Variants in TGIF1 observed in about 807,000 individuals in gnomAD.
TGIF1 encodes the protein homeobox protein TGIF1.
Under a neutral mutation model 19.3 loss-of-function variants are expected in TGIF1, and 4 were observed. The observed-to-expected ratio is 0.21, with a 90% confidence interval of 0.10 to 0.47. TGIF1 has a LOEUF of 0.47. TGIF1 is among the 20% of genes least tolerant of loss of function. The pLI is 0.98. For synonymous variants in TGIF1, 122 were observed against 129.3 expected, an observed-to-expected ratio of 0.94 and a Z score of 0.38; for missense variants, 275 against 341.4, an observed-to-expected ratio of 0.81 and a Z score of 1.53.
intron 1 of TGIF1, chr18:3,455,672 G>C (rs1259826796): frequency 6.6e-6 from 1 of 152,560 alleles, no homozygotes; most frequent in Non-Finnish European, 1.5e-5. Context: ...TTTAATAAAA[G>C]GTGACTAGTA....
intron 2 of TGIF1, among the ~76,000 whole-genome samples, chr18:3,435,472 A>C (rs1390676556): frequency 1.3e-5 from 2 of 152,186 alleles, no homozygotes; most frequent in African/African-American, 4.8e-5. Context: ...TGCTAGGATT[A>C]CAGGTGTGAG....
At chr18:3,441,905 G>A (rs939401164) in intron 2 of TGIF1, among the ~76,000 whole-genome samples, 1 of 152,036 alleles carries the variant, frequency 6.6e-6, no homozygotes, top group African/African-American at 2.4e-5. Context: ...TTTAATATTT[G>A]GAAGGCTTCC....
intron 2 of TGIF1, among the ~76,000 whole-genome samples, chr18:3,422,887 C>G (rs1167434083): frequency 6.6e-6 from 1 of 151,952 alleles, no homozygotes; most frequent in East Asian, 1.9e-4. Context: ...GACGGGGTTT[C>G]ACCGTGTTAT....
upstream of TGIF1, chr18:3,449,288 G>A (rs238134): frequency 8.9e-6 from 5 of 562,500 alleles, no homozygotes; most frequent in Non-Finnish European, 1.1e-5. Context: ...AGACGAGCAG[G>A]CACGGCGTGG....
intron 1 of TGIF1, among the ~76,000 whole-genome samples, chr18:3,416,685 C>CT (rs2082335741): frequency 6.6e-6 from 1 of 152,076 alleles, no homozygotes; most frequent in Non-Finnish European, 1.5e-5. Flanking sequence ...AATCCCAGCA[C>CT]TTTGGGAGGC....
chr18:3,453,125 A>T (rs2083038145), intron 1 of TGIF1, among the ~76,000 whole-genome samples: 1 of 150,868 alleles, frequency 6.6e-6, no homozygotes. Context: ...GTTCCTGGAG[A>T]CCGGGTCTGG....
chr18:3,453,895 G>A (rs1268336336), intron 1 of TGIF1: 4 of 963,638 alleles, frequency 4.2e-6, no homozygotes, highest in Non-Finnish European at 4.9e-6. Context: ...GTCTTAACCG[G>A]GAAACTTTTC....
intron 2 of TGIF1, among the ~76,000 whole-genome samples, chr18:3,433,039 G>A (rs1020489765): frequency 6.6e-6 from 1 of 151,666 alleles, no homozygotes; most frequent in African/African-American, 2.4e-5. Flanking sequence ...GATTACTGGC[G>A]TGAGCCACTG....
intron 2 of TGIF1, among the ~76,000 whole-genome samples, chr18:3,439,852 C>A (rs2076389238): frequency 6.6e-6 from 1 of 151,606 alleles, no homozygotes; most frequent in African/African-American, 2.4e-5. Flanking sequence ...GAAACCCGGT[C>A]TCTAAAAAAA....
upstream of TGIF1, chr18:3,447,903 C>G (rs2082773009): frequency 1.3e-6 from 2 of 1,519,212 alleles, no homozygotes; most frequent in Non-Finnish European, 1.8e-6. Context: ...AGCTATAAAC[C>G]CTTTCCAATT....
Position 3,457,062 on chromosome 18 carries a change from C to T in TGIF1, c.244-303C>T. 1 of 557,104 alleles carries T rather than the reference C, an allele frequency of 1.8e-6. No individual in the cohort carries two copies. Among genetic ancestry groups the T allele is most frequent in the South Asian group, 2.2e-5 (1 of 45,614 alleles). 34.5% of individuals were successfully genotyped at this position (557,104 alleles called of 1,614,324 possible). ...AAATGGGGAGAGTTAAAAAGTAAAC[C>T]TCTCTCTCAAATCATTTTTAAGCAT... On this transcript the variant is annotated intron_variant, in intron 2 of 2. Transcript: ENST00000343820. This position sits in a 1 kb window ranked among gnomAD's most constrained non-coding sequence, Gnocchi z 4.9.
chr18:3,455,303 A>G (rs1233630384), intron 1 of TGIF1: 1 of 152,174 alleles, frequency 6.6e-6, no homozygotes, highest in East Asian at 1.9e-4. Context: ...TAAGTTCAGA[A>G]TGATGTTTAA....
Position 3,451,850 on chromosome 18 carries a change from C to A in TGIF1, c.16+1345C>A. On this transcript the variant is annotated intron_variant, in intron 1 of 2. Transcript: ENST00000343820. The surrounding 1 kb of genome is among the most constrained non-coding windows in gnomAD (Gnocchi z 5.4). ...ACAGGGAATTGGCCCTGGGAGAAAA[C>A]GCGCGGGGGGCGTCCGAGACGCCCC... 1 of 1,395,062 alleles carries A rather than the reference C, an allele frequency of 7.2e-7. No homozygotes were observed. The highest frequency in any genetic ancestry group is 1.9e-5 in the South Asian group (1 of 53,986). 86.4% of individuals were successfully genotyped at this position (1,395,062 alleles called of 1,614,324 possible). A position where few individuals can be genotyped will look rare whatever the true frequency, so the allele number is the denominator to read the frequency against.
In TGIF1 at chr18:3,456,723, A is replaced by T; in HGVS notation, c.243+143A>T. ...TTTATTGTAAACTTGATAGTGTTAA[A>T]AGCTAATAACTAGCTATTTAGAGAA... On this transcript the variant is annotated intron_variant, in intron 2 of 2. Transcript: ENST00000343820. This position sits in a 1 kb window ranked among gnomAD's most constrained non-coding sequence, Gnocchi z 4.2. The T allele has an allele frequency of 1.3e-6, 1 of 789,136 alleles. No homozygotes were observed. Among genetic ancestry groups the T allele is most frequent in the Non-Finnish European group, 2.2e-6 (1 of 462,372 alleles). The allele number at this position is 789,136 out of a possible 1,614,324, so 48.9% of individuals were successfully genotyped here. A position where few individuals can be genotyped will look rare whatever the true frequency, so the allele number is the denominator to read the frequency against.
intron 2 of TGIF1, among the ~76,000 whole-genome samples, chr18:3,436,419 C>A (rs1341682287): frequency 2.6e-5 from 4 of 152,148 alleles, no homozygotes; most frequent in Non-Finnish European, 5.9e-5. Flanking sequence ...AAGAGAGGCA[C>A]AAAATTTTAA....
chr18:3,437,409 C>T lies in TGIF1; in HGVS notation c.-44-18945C>T, dbSNP rs144652562. On this transcript the variant is annotated intron_variant, in intron 2 of 3. Coordinates refer to the TGIF1 transcript ENST00000401449. ...TAGCAGTAAATTAATTAAACCTTTACCTATCTTGAAGTCCAACAATACATA... is the reference window on the plus strand; with the variant it reads ...TAGCAGTAAATTAATTAAACCTTTATCTATCTTGAAGTCCAACAATACATA... Among the ~76,000 whole-genome samples, 288 of 152,212 alleles carry T rather than the reference C, an allele frequency of 1.9e-3. 1 individual carries two copies. Among genetic ancestry groups the T allele is most frequent in the African/African-American group, 6.3e-3 (261 of 41,534 alleles).
intron 1 of TGIF1, among the ~76,000 whole-genome samples, chr18:3,450,928 C>G (rs1032987451): frequency 6.6e-6 from 1 of 152,096 alleles, no homozygotes; most frequent in African/African-American, 2.4e-5. Flanking sequence ...GGCCGCGGGA[C>G]CGCCGCGGCT....
In TGIF1 at chr18:3,456,303, T is replaced by C. The variant is rs538021269; in HGVS notation, c.17-51T>C. The C allele has an allele frequency of 1.1e-5, 16 of 1,521,524 alleles. No individual in the cohort carries two copies. The highest frequency in any genetic ancestry group is 1.5e-5 in the Non-Finnish European group (16 of 1,096,352). The allele number at this position is 1,521,524 out of a possible 1,614,324, so 94.3% of individuals were successfully genotyped here. On this transcript the variant is annotated intron_variant, in intron 1 of 2. Transcript: ENST00000343820. This position sits in a 1 kb window ranked among gnomAD's most constrained non-coding sequence, Gnocchi z 4.2. ...GGTCAGCGTTAAGTGAGCTTTGCAATAGTTGCTGTGCTTATAAAGCAACTG... is the reference window on the plus strand; with the variant it reads ...GGTCAGCGTTAAGTGAGCTTTGCAACAGTTGCTGTGCTTATAAAGCAACTG...
chr18:3,439,226 C>G (rs569656096), intron 2 of TGIF1, among the ~76,000 whole-genome samples: 37 of 152,094 alleles, frequency 2.4e-4, no homozygotes, highest in African/African-American at 8.7e-4. Flanking sequence ...ATTTATTACA[C>G]TAGGATCTCC....
Sources: gnomAD v4.1 joint callset for allele counts (sites outside exome capture counted in the v4.1 genomes callset) on GRCh38, gnomAD v4.1.1 for gene constraint, Gnocchi (gnomAD v3.1) non-coding constraint, MANE v1.5 for transcripts, NCBI Gene and HGNC (gene_info 2026-07-23, HGNC 2026-07-21) for gene names.